HS6ST1: variants seen among roughly 807,000 people sequenced by gnomAD.
HS6ST1 encodes the protein heparan sulfate 6-O-sulfotransferase 1.
HS6ST1 carries 3 observed loss-of-function variants against 25.2 expected under a neutral mutation model. The observed-to-expected ratio is 0.12, with a 90% CI of 0.05 to 0.31. HS6ST1 has a LOEUF of 0.31. Ranked by LOEUF, HS6ST1 falls within the 10% of genes least tolerant of loss-of-function variation. The probability of loss-of-function intolerance (pLI) is 1.00; values close to 1 mark genes in which losing one functional copy is unlikely to be tolerated. For missense variants in HS6ST1, 310 were observed against 609.6 expected, an observed-to-expected ratio of 0.51 and a Z score of 5.18; for synonymous variants, 204 against 275.1, an observed-to-expected ratio of 0.74 and a Z score of 2.56.
chr2:128,318,389 T>C lies in HS6ST1; in HGVS notation c.175A>G (p.Thr59Ala), dbSNP rs1694407132. Reference sequence around the variant, plus strand: ...TTCTTCTCGTAGTGGGGGTCGGGTGTGGGGAACAGGTCCAGGTCGTCGGGC... The same window carrying C: ...TTCTTCTCGTAGTGGGGGTCGGGTGCGGGGAACAGGTCCAGGTCGTCGGGC... ...APPDDLDLFP[T>A]PDPHYEKKYY... Residue 59 changes from threonine (T) to alanine (A), a missense_variant, in exon 1 of 2, where the codon ACA (threonine) becomes GCA (alanine). Physicochemically the swap from Thr to Ala is moderately conservative, Grantham distance 58 (BLOSUM62 0). Transcript: ENST00000259241. The surrounding 1 kb of genome is among the most constrained non-coding windows in gnomAD (Gnocchi z 5.7). 6.2e-7 allele frequency: 1 copy of C among 1,604,508 alleles called. No individual in the cohort carries two copies. The highest frequency in any genetic ancestry group is 8.5e-7 in the Non-Finnish European group (1 of 1,176,862).
intron 1 of HS6ST1, among the ~76,000 whole-genome samples, chr2:128,275,882 G>GA (rs898637550): frequency 6.6e-6 from 1 of 152,232 alleles, no homozygotes; most frequent in Non-Finnish European, 1.5e-5. Flanking sequence ...AGGTGTTGGG[G>GA]AGGCTGCAGC....
intron 1 of HS6ST1, among the ~76,000 whole-genome samples, chr2:128,311,806 G>T (rs540797065): frequency 6.6e-6 from 1 of 152,244 alleles, no homozygotes; most frequent in South Asian, 2.1e-4. Context: ...CCTCCTGCAG[G>T]GCTGATCCTC....
At chr2:128,277,554 G>A (rs1422555293) in intron 1 of HS6ST1, among the ~76,000 whole-genome samples, 4 of 152,164 alleles carry the variant, frequency 2.6e-5, no homozygotes, top group African/African-American at 9.7e-5. Flanking sequence ...CTGTGCAGCC[G>A]GCCTACGTCC....
At chr2:128,292,266 T>C (rs1486411456) in intron 1 of HS6ST1, among the ~76,000 whole-genome samples, 1 of 152,168 alleles carries the variant, frequency 6.6e-6, no homozygotes, top group Non-Finnish European at 1.5e-5. Context: ...GCTCACACCA[T>C]GTGTATCCTT....
chr2:128,309,704 C>T (rs1694260499), intron 1 of HS6ST1, among the ~76,000 whole-genome samples: 1 of 152,264 alleles, frequency 6.6e-6, no homozygotes, highest in Non-Finnish European at 1.5e-5. Flanking sequence ...TAATCCTAGG[C>T]AGCTGTGCTG....
chr2:128,268,968 G>A, intron 1 of HS6ST1, 98 bp from the exon 2 acceptor site: 2 of 1,009,938 alleles, frequency 2.0e-6, no homozygotes, highest in Non-Finnish European at 3.0e-6. Flanking sequence ...AGGAGTTTGG[G>A]CTTCGCCTCT....
At chr2:128,286,284 G>A (rs1026735445) in intron 1 of HS6ST1, among the ~76,000 whole-genome samples, 2 of 152,234 alleles carry the variant, frequency 1.3e-5, no homozygotes, top group South Asian at 2.1e-4. Flanking sequence ...CGTGGCCGAG[G>A]TCTGCGGGCT....
intron 1 of HS6ST1, among the ~76,000 whole-genome samples, chr2:128,272,259 G>A (rs779718215): frequency 1.3e-5 from 2 of 152,360 alleles, no homozygotes; most frequent in Non-Finnish European, 1.5e-5. Flanking sequence ...AGGAGGACAC[G>A]GGTATATCAC....
intron 1 of HS6ST1, among the ~76,000 whole-genome samples, chr2:128,269,823 G>C (rs968650125): frequency 6.6e-6 from 1 of 152,194 alleles, no homozygotes; most frequent in African/African-American, 2.4e-5. Flanking sequence ...CTGACCCCCC[G>C]CCAGGATTCC....
At chr2:128,302,337 G>A (rs1211060958) in intron 1 of HS6ST1, among the ~76,000 whole-genome samples, 4 of 152,194 alleles carry the variant, frequency 2.6e-5, no homozygotes, top group African/African-American at 9.7e-5. Context: ...TGGCGTGCAT[G>A]TGTGTCTGCA....
chr2:128,297,079 A>C (rs1415353249), intron 1 of HS6ST1, among the ~76,000 whole-genome samples: 1 of 152,272 alleles, frequency 6.6e-6, no homozygotes, highest in East Asian at 1.9e-4. Flanking sequence ...AACAAAAAAA[A>C]CCCCAAACCA....
chr2:128,292,179 T>A (rs1430772771), intron 1 of HS6ST1, among the ~76,000 whole-genome samples: 1 of 152,168 alleles, frequency 6.6e-6, no homozygotes, highest in Non-Finnish European at 1.5e-5. Context: ...CTAGGCCCTC[T>A]CAGTGCCACA....
At chr2:128,288,283 G>A (rs1190934110) in intron 1 of HS6ST1, among the ~76,000 whole-genome samples, 3 of 152,212 alleles carry the variant, frequency 2.0e-5, no homozygotes, top group Middle Eastern at 3.4e-3. Flanking sequence ...GTGGAGGCCC[G>A]AGAGGGAGGC....
Position 128,266,048 on chromosome 2 carries a change from C to T in HS6ST1, c.*2114G>A, listed in dbSNP as rs1175975058. 9 of 151,634 alleles carry T rather than the reference C, an allele frequency of 5.9e-5. No individual in the cohort carries two copies. Among genetic ancestry groups the T allele is most frequent in the East Asian group, 2.0e-4 (1 of 5,120 alleles). 9.4% of individuals were successfully genotyped at this position (151,634 alleles called of 1,614,324 possible). A position where few individuals can be genotyped will look rare whatever the true frequency, so the allele number is the denominator to read the frequency against. ...GAGACTGAGACAAGACCCGTGCTTCCGTGTGAGTTGGGATGCGGGGCATAA... is the reference window on the plus strand; with the variant it reads ...GAGACTGAGACAAGACCCGTGCTTCTGTGTGAGTTGGGATGCGGGGCATAA... On this transcript the variant is annotated 3_prime_UTR_variant, in exon 2 of 2. Transcript: ENST00000259241.
chr2:128,288,491 C>T (rs1244009314), intron 1 of HS6ST1, among the ~76,000 whole-genome samples: 1 of 152,160 alleles, frequency 6.6e-6, no homozygotes, highest in Admixed American at 6.5e-5. Context: ...TATCTGTGTG[C>T]ACAATGGGCA....
intron 1 of HS6ST1, among the ~76,000 whole-genome samples, chr2:128,314,140 G>C (rs1349771511): frequency 6.6e-6 from 1 of 152,058 alleles, no homozygotes; most frequent in Non-Finnish European, 1.5e-5. Flanking sequence ...CAGCAGATGA[G>C]GGTTTCTCCC....
At chr2:128,281,734 C>T (rs1693793517) in intron 1 of HS6ST1, among the ~76,000 whole-genome samples, 1 of 152,250 alleles carries the variant, frequency 6.6e-6, no homozygotes, top group Admixed American at 6.5e-5. Flanking sequence ...CAGGGAGATA[C>T]ACCAGGGACC....
chr2:128,316,891 C>CA (rs1694372650), intron 1 of HS6ST1, among the ~76,000 whole-genome samples: 1 of 152,174 alleles, frequency 6.6e-6, no homozygotes. Context: ...CCAGGCTCCC[C>CA]AGGCACACCT....
At chr2:128,310,922 G>GC (rs1450425427) in intron 1 of HS6ST1, among the ~76,000 whole-genome samples, 3 of 152,066 alleles carry the variant, frequency 2.0e-5, no homozygotes, top group Non-Finnish European at 4.4e-5. Flanking sequence ...CATCTCCACT[G>GC]CCCCCCCTTG....
Sources: gnomAD v4.1 joint callset for allele counts (sites outside exome capture counted in the v4.1 genomes callset) on GRCh38, gnomAD v4.1.1 for gene constraint, Gnocchi (gnomAD v3.1) non-coding constraint, MANE v1.5 for transcripts, NCBI Gene and HGNC (gene_info 2026-07-23, HGNC 2026-07-21) for gene names.